The following ANK2 variants were observed in gnomAD, a reference collection of about 807,000 sequenced individuals.
ANK2 encodes ankyrin-2.
ANK2 carries 83 observed loss-of-function variants against 360.5 expected under a neutral mutation model. The ratio of observed to expected loss-of-function variants is 0.23; its 90% CI spans 0.19 to 0.28. The LOEUF is 0.28. ANK2 is among the 10% of genes least tolerant of loss of function. The pLI is 1.00. For missense variants in ANK2, 4,201 were observed against 4,795.7 expected, an observed-to-expected ratio of 0.88 and a Z score of 3.66; for synonymous variants, 1,740 against 1,759.5, an observed-to-expected ratio of 0.99 and a Z score of 0.28.
chr4:113,359,912 AATGTACTCTCATTAG>A (rs1400903938), intron 38 of ANK2, among the ~76,000 whole-genome samples: 1 of 152,152 alleles, frequency 6.6e-6, no homozygotes, highest in East Asian at 1.9e-4. Flanking sequence ...ATGAATGGAG[AATGTACTCTCATTAG>A]ATGCAGCAGA....
Position 113,372,655 on chromosome 4 carries a change from G to A in ANK2, c.11611-435G>A, listed in dbSNP as rs1217846535. Reference sequence around the variant, plus strand: ...CCACTGTTAAATTACTGCACGTCAGGGACAGTCCTGTCCCCATATTCTAAG... The same window carrying A: ...CCACTGTTAAATTACTGCACGTCAGAGACAGTCCTGTCCCCATATTCTAAG... On this transcript the variant is annotated intron_variant, in intron 43 of 45. Transcript: ENST00000357077. 3 of 1,424,798 alleles carry A rather than the reference G, an allele frequency of 2.1e-6. No individual in the cohort carries two copies. The Admixed American group carries it at 5.9e-5, about 28-fold the overall frequency. The allele number at this position is 1,424,798 out of a possible 1,614,324, so 88.3% of individuals were successfully genotyped here.
intron 1 of ANK2, among the ~76,000 whole-genome samples, chr4:113,149,756 G>A (rs979785270): frequency 1.3e-5 from 2 of 150,554 alleles, no homozygotes; most frequent in Non-Finnish European, 3.0e-5. Flanking sequence ...CACGCCCATG[G>A]TCCCAGCTAC....
Position 113,309,299 on chromosome 4 carries a change from G to A in ANK2, c.2549-1956G>A, listed in dbSNP as rs116434640. Reference sequence around the variant, plus strand: ...TTGCTTCTTTGGGTCATTTCTCTCTGAGACATAATCAAGACATTGACTATA... The same window carrying A: ...TTGCTTCTTTGGGTCATTTCTCTCTAAGACATAATCAAGACATTGACTATA... On this transcript the variant is annotated intron_variant, in intron 23 of 45. Coordinates refer to ENST00000357077, the MANE Select transcript of ANK2 (RefSeq NM_001148.6). Among the ~76,000 whole-genome samples the A allele has an allele frequency of 5.4e-3, 822 of 152,304 alleles. 11 individuals are homozygous for A. The highest frequency in any genetic ancestry group is 0.019 in the African/African-American group (784 of 41,542).
chr4:113,116,617 G>C (rs1379617540), intron 1 of ANK2, among the ~76,000 whole-genome samples: 1 of 152,148 alleles, frequency 6.6e-6, no homozygotes, highest in African/African-American at 2.4e-5. Context: ...AGAAGGAAAG[G>C]GCTGTGAGAT....
At chr4:112,885,647 A>G (rs1385756492) in intron 1 of ANK2, among the ~76,000 whole-genome samples, 1 of 151,094 alleles carries the variant, frequency 6.6e-6, no homozygotes, top group Non-Finnish European at 1.5e-5. Context: ...ATACAAAAAA[A>G]TTAGCCGGGC....
In ANK2 at chr4:112,931,561, C is replaced by T. The variant is rs540861152; in HGVS notation, c.21+27047C>T. On this transcript the variant is annotated intron_variant, in intron 2 of 30. Transcript: ENST00000503271. ...AAGCAATTCTTGTGCCTCAGCCTCC[C>T]GAGTAGCTGGAATTCCAGCCATGTG... Among the ~76,000 whole-genome samples, 3 of 151,332 alleles carry T rather than the reference C, an allele frequency of 2.0e-5. No homozygotes were observed. The East Asian group carries it at 5.9e-4, about 30-fold the overall frequency.
intron 2 of ANK2, among the ~76,000 whole-genome samples, chr4:112,947,977 C>T (rs957615292): frequency 1.3e-5 from 2 of 152,206 alleles, no homozygotes; most frequent in African/African-American, 4.8e-5. Context: ...TAAAATATTT[C>T]GTTCTACTTA....
intron 1 of ANK2, among the ~76,000 whole-genome samples, chr4:112,872,486 C>A (rs531698970): frequency 6.6e-6 from 1 of 151,964 alleles, no homozygotes; most frequent in Non-Finnish European, 1.5e-5. Context: ...TACAGGCATG[C>A]GCCATCACGC....
intron 4 of ANK2, among the ~76,000 whole-genome samples, chr4:113,221,856 A>G (rs918771053): frequency 6.6e-6 from 1 of 152,246 alleles, no homozygotes; most frequent in African/African-American, 2.4e-5. Context: ...GAAAGCAGGG[A>G]TCATGGTAGA....
chr4:113,233,109 T>A, intron 5 of ANK2, among the ~76,000 whole-genome samples: 1 of 5,100 alleles, frequency 2.0e-4, no homozygotes, highest in African/African-American at 7.5e-4. Context: ...CTTTTCTGTT[T>A]TTTTTTTTTT....
chr4:112,941,402 T>C (rs2154246761), intron 2 of ANK2, among the ~76,000 whole-genome samples: 1 of 145,260 alleles, frequency 6.9e-6, no homozygotes, highest in Non-Finnish European at 1.5e-5. Context: ...ATGAACTATA[T>C]GAACCTAATT....
chr4:113,298,243 C>A (rs549101416), intron 22 of ANK2, among the ~76,000 whole-genome samples: 2 of 152,078 alleles, frequency 1.3e-5, no homozygotes, highest in Non-Finnish European at 2.9e-5. Context: ...ACAGTATTTA[C>A]ATAATATTTA....
At chr4:112,820,168 A>C (rs1306794038) in intron 1 of ANK2, among the ~76,000 whole-genome samples, 2 of 152,244 alleles carry the variant, frequency 1.3e-5, no homozygotes, top group Admixed American at 1.3e-4. Flanking sequence ...CACTCACACA[A>C]CTATGTTTAA....
At position 113,355,742 on chromosome 4, in the gene ANK2, C is replaced by T. The variant is rs1327072432; in HGVS notation, c.7124C>T (p.Thr2375Ile). Residue 2375 changes from threonine (T) to isoleucine (I), a missense_variant, in exon 38 of 46, where the codon ACC (threonine) becomes ATC (isoleucine). By Grantham distance (89) the Thr-to-Ile change is moderately conservative. This residue lies in a region of ANK2 where 2,642 missense variants were observed against 2,714.5 expected (regional missense o/e 0.97). Coordinates refer to ENST00000357077, the MANE Select transcript of ANK2 (RefSeq NM_001148.6). ...AGTGAGGTTCAAGAATCCACAGCCACCTCAGACGAGACAAAGGCCTTGCCG... is the reference window on the plus strand; with the variant it reads ...AGTGAGGTTCAAGAATCCACAGCCATCTCAGACGAGACAAAGGCCTTGCCG... ...TDSEVQESTATSDETKALPLP... is the reference protein window; with the variant it reads ...TDSEVQESTAISDETKALPLP... The T allele has an allele frequency of 6.2e-7, 1 of 1,614,124 alleles. No individual in the cohort carries two copies. The highest frequency in any genetic ancestry group is 8.5e-7 in the Non-Finnish European group (1 of 1,179,992).
In ANK2 at chr4:113,179,941, T is replaced by C. The variant is rs77094686; in HGVS notation, c.186+5424T>C. ...AGCATTTATTTAATACAATCCTGGATATGATACCAGTGATTAACAGGTCTT... is the reference window on the plus strand; with the variant it reads ...AGCATTTATTTAATACAATCCTGGACATGATACCAGTGATTAACAGGTCTT... On this transcript the variant is annotated intron_variant, in intron 2 of 45. Coordinates refer to ENST00000357077, the MANE Select transcript of ANK2 (RefSeq NM_001148.6). Among the ~76,000 whole-genome samples the C allele has an allele frequency of 7.5e-3, 1,149 of 152,374 alleles. 20 individuals carry two copies. The highest frequency in any genetic ancestry group is 0.026 in the African/African-American group (1,099 of 41,582).
At chr4:113,166,331 G>A (rs1036249335) in intron 1 of ANK2, among the ~76,000 whole-genome samples, 5 of 151,982 alleles carry the variant, frequency 3.3e-5, no homozygotes, top group African/African-American at 1.2e-4. Context: ...TATCTTTTAA[G>A]TCACACTTCT....
chr4:113,113,359 A>C (rs965710255), intron 1 of ANK2, among the ~76,000 whole-genome samples: 4 of 152,180 alleles, frequency 2.6e-5, no homozygotes, highest in African/African-American at 9.7e-5. Flanking sequence ...ATTAAGTTGC[A>C]TGTGGCTAGC....
chr4:112,875,922 T>A (rs1303519594), intron 1 of ANK2, among the ~76,000 whole-genome samples: 2 of 115,724 alleles, frequency 1.7e-5, no homozygotes, highest in Non-Finnish European at 3.6e-5. Context: ...TTCTTTTTTC[T>A]TTTTTTTTTT....
At chr4:113,138,372 C>T (rs758286904) in intron 1 of ANK2, among the ~76,000 whole-genome samples, 1 of 152,166 alleles carries the variant, frequency 6.6e-6, no homozygotes, top group Non-Finnish European at 1.5e-5. Flanking sequence ...TCTCTGATGT[C>T]GGTGCAACAC....
Sources: gnomAD v4.1 joint callset for allele counts (sites outside exome capture counted in the v4.1 genomes callset) on GRCh38, gnomAD v4.1.1 for gene constraint, gnomAD v4.1.1 regional missense constraint, MANE v1.5 for transcripts, NCBI Gene and HGNC (gene_info 2026-07-23, HGNC 2026-07-21) for gene names.